Variants in DAB1 observed in about 807,000 individuals in gnomAD.
DAB1 encodes DAB adaptor protein 1.
DAB1 carries 15 observed loss-of-function variants against 64.6 expected under a neutral mutation model. The observed-to-expected ratio is 0.23, with a 90% CI of 0.16 to 0.36. The LOEUF is 0.36. DAB1 is among the 10% of genes least tolerant of loss of function. The pLI is 1.00. For synonymous variants in DAB1, 235 were observed against 251.9 expected, an observed-to-expected ratio of 0.93 and a Z score of 0.64; for missense variants, 596 against 706.7, an observed-to-expected ratio of 0.84 and a Z score of 1.78.
At chr1:57,354,147 A>G (rs1374721714) in intron 1 of DAB1, among the ~76,000 whole-genome samples, 1 of 152,214 alleles carries the variant, frequency 6.6e-6, no homozygotes, top group East Asian at 1.9e-4. Flanking sequence ...GCTTCTATCA[A>G]TCTTTCATTG....
chr1:57,254,860 T>TAC (rs895675819), intron 2 of DAB1, among the ~76,000 whole-genome samples: 32 of 151,082 alleles, frequency 2.1e-4, no homozygotes, highest in African/African-American at 4.1e-4. Flanking sequence ...CACACACACA[T>TAC]ACACACACAC....
chr1:57,884,180 T>A (rs1644188702), upstream of DAB1: 3 of 152,416 alleles, frequency 2.0e-5, no homozygotes, highest in Admixed American at 2.0e-4. Flanking sequence ...GAAAAAACGA[T>A]GTCAATTTTG....
intron 2 of DAB1, among the ~76,000 whole-genome samples, chr1:57,150,837 G>T (rs1490173417): frequency 2.0e-5 from 3 of 152,086 alleles, no homozygotes; most frequent in Non-Finnish European, 4.4e-5. Context: ...TTATCTTCTG[G>T]AATCACCTTG....
chr1:58,291,220 C>CG (rs1263207500), intron 4 of DAB1, among the ~76,000 whole-genome samples: 1 of 152,176 alleles, frequency 6.6e-6, no homozygotes, highest in Non-Finnish European at 1.5e-5. Flanking sequence ...ACAAGCCTTG[C>CG]GGCTGCTCAT....
Position 57,480,217 on chromosome 1 carries a change from A to C in DAB1, n.625+169375T>G, listed in dbSNP as rs148473571. Among the ~76,000 whole-genome samples, 435 of 152,120 alleles carry C rather than the reference A, an allele frequency of 2.9e-3. 1 individual carries two copies. The highest frequency in any genetic ancestry group is 4.2e-3 in the Non-Finnish European group (288 of 68,000). On this transcript the variant is annotated intron_variant and non_coding_transcript_variant, in intron 7 of 20. Transcript: ENST00000485760. ...TGCCTTTTATGATCGAAACTCTGAA[A>C]TCATATGGTGTCCTTTCTGCCATAA...
At chr1:57,784,129 T>A (rs985480941) in intron 6 of DAB1, among the ~76,000 whole-genome samples, 1 of 152,156 alleles carries the variant, frequency 6.6e-6, no homozygotes, top group African/African-American at 2.4e-5. Context: ...ATGCCTATAA[T>A]CCTAGCAATT....
At chr1:58,455,623 A>G (rs781187296) in intron 3 of DAB1, among the ~76,000 whole-genome samples, 16 of 152,264 alleles carry the variant, frequency 1.1e-4, no homozygotes, top group South Asian at 2.1e-4. Context: ...AGGGATACAC[A>G]AAAGAATGAA....
intron 3 of DAB1, among the ~76,000 whole-genome samples, chr1:58,394,654 G>C (rs1353091149): frequency 2.0e-5 from 3 of 152,192 alleles, no homozygotes; most frequent in Non-Finnish European, 4.4e-5. Context: ...AAAGCAACCA[G>C]ATACAAAATG....
chr1:57,574,765 T>C (rs1025563650), intron 7 of DAB1, among the ~76,000 whole-genome samples: 3 of 152,082 alleles, frequency 2.0e-5, no homozygotes, highest in Non-Finnish European at 4.4e-5. Context: ...TTCTTCCTAT[T>C]GGGTAGTGCC....
intron 7 of DAB1, among the ~76,000 whole-genome samples, chr1:57,586,801 C>T (rs1645386246): frequency 2.7e-5 from 2 of 73,248 alleles, no homozygotes; most frequent in Non-Finnish European, 5.5e-5. Flanking sequence ...CTCCTCAATA[C>T]TTTACTTAAA....
At chr1:58,369,181 G>T (rs1199789842) in intron 3 of DAB1, among the ~76,000 whole-genome samples, 1 of 152,132 alleles carries the variant, frequency 6.6e-6, no homozygotes, top group Non-Finnish European at 1.5e-5. Flanking sequence ...TTATTTTGTA[G>T]AGGCCCTTTA....
chr1:57,826,637 G>A (rs1367473564), intron 1 of DAB1, among the ~76,000 whole-genome samples: 2 of 152,152 alleles, frequency 1.3e-5, no homozygotes, highest in African/African-American at 2.4e-5. Context: ...AAGGTGAAGC[G>A]ATACAGCAAA....
At chr1:58,277,724 A>G (rs1346442366) in intron 4 of DAB1, among the ~76,000 whole-genome samples, 1 of 152,240 alleles carries the variant, frequency 6.6e-6, no homozygotes, top group Non-Finnish European at 1.5e-5. Context: ...AAATTAACAA[A>G]GGATGCTCTT....
intron 7 of DAB1, among the ~76,000 whole-genome samples, chr1:57,462,273 G>T (rs1299057646): frequency 1.3e-5 from 2 of 152,116 alleles, no homozygotes; most frequent in Admixed American, 6.5e-5. Flanking sequence ...TAGTGTAAGT[G>T]TAAAAGGAAT....
intron 3 of DAB1, among the ~76,000 whole-genome samples, chr1:58,482,470 T>C (rs1645504434): frequency 6.6e-6 from 1 of 152,122 alleles, no homozygotes; most frequent in Admixed American, 6.5e-5. Flanking sequence ...CAAAATAATT[T>C]TTAAGGATAA....
At chr1:57,878,644 G>A (rs1644092930) in intron 1 of DAB1, 1 of 152,082 alleles carries the variant, frequency 6.6e-6, no homozygotes, top group African/African-American at 2.4e-5. Context: ...AGGGTATTTA[G>A]CATATTTCTC....
At chr1:58,464,262 A>T (rs1002872413) in intron 3 of DAB1, among the ~76,000 whole-genome samples, 1 of 152,212 alleles carries the variant, frequency 6.6e-6, no homozygotes, top group African/African-American at 2.4e-5. Flanking sequence ...TGTCATGCAT[A>T]CACTGAGGTC....
In DAB1 at chr1:57,482,129, C is replaced by T. The variant is rs151181340; in HGVS notation, n.625+167463G>A. On this transcript the variant is annotated intron_variant and non_coding_transcript_variant, in intron 7 of 20. Transcript: ENST00000485760. Reference sequence around the variant, plus strand: ...TCTCCTCTGACAAAGGGGAAAAAGGCCATTTAAAAATATTACTTTTTCCCC... The same window carrying T: ...TCTCCTCTGACAAAGGGGAAAAAGGTCATTTAAAAATATTACTTTTTCCCC... Among the ~76,000 whole-genome samples, 130 of 152,006 alleles carry T rather than the reference C, an allele frequency of 8.6e-4. 2 individuals carry two copies. The East Asian group carries it at 0.023, about 27-fold the overall frequency.
At chr1:57,363,037 T>G (rs1679682243) in intron 1 of DAB1, among the ~76,000 whole-genome samples, 1 of 152,188 alleles carries the variant, frequency 6.6e-6, no homozygotes, top group Non-Finnish European at 1.5e-5. Flanking sequence ...GTGAATTCCT[T>G]ACAATGAATT....
Sources: gnomAD v4.1 joint callset for allele counts (sites outside exome capture counted in the v4.1 genomes callset) on GRCh38, gnomAD v4.1.1 for gene constraint, MANE v1.5 for transcripts, NCBI Gene and HGNC (gene_info 2026-07-23, HGNC 2026-07-21) for gene names.